The following TSHZ3 variants were observed in gnomAD, a reference collection of about 807,000 sequenced individuals.
The protein encoded by TSHZ3 is teashirt homolog 3.
Under a neutral mutation model 64.5 loss-of-function variants are expected in TSHZ3, and 10 were observed. The ratio of observed to expected loss-of-function variants is 0.16; its 90% CI spans 0.10 to 0.26. The LOEUF (loss-of-function observed/expected upper bound fraction) is 0.26. TSHZ3 is among the 10% of genes least tolerant of loss of function. The pLI, the probability that TSHZ3 is intolerant of heterozygous loss-of-function variation, is 1.00. For synonymous variants in TSHZ3, 608 were observed against 593.1 expected (o/e 1.03, Z -0.36); for missense variants, 1,242 against 1,421.7 (o/e 0.87, Z 2.03).
At position 31,155,202 on chromosome 19, in the gene TSHZ3, G is replaced by A. The variant is rs377695113; in HGVS notation, n.871+1154C>T. Among the ~76,000 whole-genome samples the A allele has an allele frequency of 1.6e-4, 24 of 152,270 alleles. No individual in the cohort carries two copies. The South Asian group carries it at 4.6e-3, about 29-fold the overall frequency. On this transcript the variant is annotated intron_variant and non_coding_transcript_variant, in intron 6 of 6. Transcript: ENST00000651361. ...ACATTGAATCTGGCCTCATCTAGAC[G>A]TGATCCCATGCTCTCCCTGGGACTA...
intron 4 of TSHZ3, among the ~76,000 whole-genome samples, chr19:31,220,452 A>G (rs1486873541): frequency 6.6e-6 from 1 of 152,122 alleles, no homozygotes; most frequent in Non-Finnish European, 1.5e-5. Flanking sequence ...TTGTCTCTCT[A>G]TATATGTATT....
At chr19:31,267,294 C>T (rs1158083133) in intron 1 of TSHZ3, among the ~76,000 whole-genome samples, 1 of 151,978 alleles carries the variant, frequency 6.6e-6, no homozygotes, top group Non-Finnish European at 1.5e-5. Context: ...TGTGCAGGGT[C>T]CAGGAGACTG....
intron 1 of TSHZ3, among the ~76,000 whole-genome samples, chr19:31,344,011 T>G (rs897152906): frequency 6.6e-6 from 1 of 152,194 alleles, no homozygotes; most frequent in Non-Finnish European, 1.5e-5. Context: ...TATGCATGTG[T>G]CAAAGAATTT....
intron 1 of TSHZ3, among the ~76,000 whole-genome samples, chr19:31,324,874 T>A (rs1156908455): frequency 6.6e-6 from 1 of 152,236 alleles, no homozygotes; most frequent in Non-Finnish European, 1.5e-5. Flanking sequence ...AGAAACCATT[T>A]TCATATGAGC....
At chr19:31,315,424 C>A (rs1014885413) in intron 1 of TSHZ3, among the ~76,000 whole-genome samples, 1 of 152,146 alleles carries the variant, frequency 6.6e-6, no homozygotes, top group Non-Finnish European at 1.5e-5. Flanking sequence ...ACTCAGGAAG[C>A]TCTACTCCTG....
At chr19:31,339,967 T>C (rs1917382685) in intron 1 of TSHZ3, among the ~76,000 whole-genome samples, 1 of 152,088 alleles carries the variant, frequency 6.6e-6, no homozygotes, top group African/African-American at 2.4e-5. Flanking sequence ...ATTTATTTAT[T>C]TTTTAATGGC....
intron 1 of TSHZ3, among the ~76,000 whole-genome samples, chr19:31,314,761 G>A (rs1916557574): frequency 6.6e-6 from 1 of 152,176 alleles, no homozygotes; most frequent in African/African-American, 2.4e-5. Context: ...GTCATTCTCA[G>A]ACCCCTTGAG....
rs1023393724 is a variant in TSHZ3, at chr19:31,342,480, T to C, written c.40+6700A>G. On this transcript the variant is annotated intron_variant, in intron 1 of 1. Transcript: ENST00000240587. ...GTTAATACATAAAGGAGAAAGCACATGGGTGAAAGACTTACAAGTCTTTAC... is the reference window on the plus strand; with the variant it reads ...GTTAATACATAAAGGAGAAAGCACACGGGTGAAAGACTTACAAGTCTTTAC... Among the ~76,000 whole-genome samples, 8 of 152,236 alleles carry C rather than the reference T, an allele frequency of 5.3e-5. No individual in the cohort carries two copies. The East Asian group carries it at 5.8e-4, about 11-fold the overall frequency.
At chr19:31,213,066 A>G (rs184056750) in intron 4 of TSHZ3, among the ~76,000 whole-genome samples, 1 of 152,152 alleles carries the variant, frequency 6.6e-6, no homozygotes, top group East Asian at 1.9e-4. Context: ...GGAGACAGTA[A>G]AAAGATTGAC....
In TSHZ3 at chr19:31,277,905, C is replaced by T; in HGVS notation, c.1888G>A (p.Glu630Lys). The T allele has an allele frequency of 6.2e-7, 1 of 1,613,916 alleles. No individual in the cohort carries two copies. The highest frequency in any genetic ancestry group is 1.1e-5 in the South Asian group (1 of 91,010). Reference sequence around the variant, plus strand: ...GGCGGGGAAAGCTTCCCATCCGGCTCCTTCATCTTCTCCTCCACTTTGGCA... The same window carrying T: ...GGCGGGGAAAGCTTCCCATCCGGCTTCTTCATCTTCTCCTCCACTTTGGCA... ...KVAKVEEKMK[E>K]PDGKLSPPKR... The change falls in exon 2 of 2, where the codon GAG becomes AAG. Residue 630 changes from glutamate to lysine, a missense_variant. Physicochemically the swap from Glu to Lys is moderately conservative, Grantham distance 56. This residue lies in a region of TSHZ3 where 550 missense variants were observed against 545.1 expected (regional missense o/e 1.01). Transcript: ENST00000240587. The surrounding 1 kb of genome is among the most constrained non-coding windows in gnomAD (Gnocchi z 4.5).
chr19:31,219,772 C>T (rs1409903078), intron 4 of TSHZ3, among the ~76,000 whole-genome samples: 1 of 148,982 alleles, frequency 6.7e-6, no homozygotes, highest in Non-Finnish European at 1.5e-5. Flanking sequence ...GAATAGAGTC[C>T]AGAAGTGAAT....
At chr19:31,334,876 C>T (rs1300459886) in intron 1 of TSHZ3, among the ~76,000 whole-genome samples, 11 of 152,248 alleles carry the variant, frequency 7.2e-5, no homozygotes, top group Admixed American at 5.2e-4. Context: ...GGCCAAAATG[C>T]ACACCCACAG....
In TSHZ3 at chr19:31,205,489, C is replaced by T. The variant is rs573278950; in HGVS notation, n.687-411G>A. Among the ~76,000 whole-genome samples, 4 of 152,334 alleles carry T rather than the reference C, an allele frequency of 2.6e-5. No homozygotes were observed. The East Asian group carries it at 7.7e-4, about 29-fold the overall frequency. ...TACTGGCCGTTTATGGCTCCTGAAA[C>T]TTGGGATGGGAGGACCCAGAGAGCT... On this transcript the variant is annotated intron_variant and non_coding_transcript_variant, in intron 4 of 6. Transcript: ENST00000651361.
chr19:31,291,138 A>T (rs571811153), intron 1 of TSHZ3, among the ~76,000 whole-genome samples: 6 of 152,318 alleles, frequency 3.9e-5, no homozygotes, highest in Admixed American at 1.3e-4. Flanking sequence ...CCTCTAGGGA[A>T]CCCATGGCAA....
intron 4 of TSHZ3, among the ~76,000 whole-genome samples, chr19:31,211,944 G>C (rs940271718): frequency 1.3e-5 from 2 of 152,152 alleles, no homozygotes; most frequent in Non-Finnish European, 2.9e-5. Context: ...AAGATATCCA[G>C]GGTAGATGCT....
chr19:31,338,948 A>C (rs1271712646), intron 1 of TSHZ3, among the ~76,000 whole-genome samples: 1 of 152,018 alleles, frequency 6.6e-6, no homozygotes, highest in Non-Finnish European at 1.5e-5. Flanking sequence ...ACACACACAC[A>C]GGCCCCTACC....
In TSHZ3 at chr19:31,279,368, G is replaced by A. The variant is rs745308178; in HGVS notation, c.425C>T (p.Ser142Phe). 14 of 1,614,064 alleles carry A rather than the reference G, an allele frequency of 8.7e-6. No homozygotes were observed. The Admixed American group carries it at 1.0e-4, about 12-fold the overall frequency. The change falls in exon 2 of 2, where the codon TCC becomes TTC. Residue 142 changes from serine to phenylalanine, a missense_variant. By Grantham distance (155) the Ser-to-Phe change is radical. This residue lies in a region of TSHZ3 where 555 missense variants were observed against 704.0 expected (regional missense o/e 0.79). Transcript: ENST00000240587. The surrounding 1 kb of genome is among the most constrained non-coding windows in gnomAD (Gnocchi z 6.4). Reference protein sequence around the residue: ...SNLNLNLHQPSSEKNNGSSSS... With the variant: ...SNLNLNLHQPFSEKNNGSSSS... Reference sequence around the variant, plus strand: ...GCTGCTGCCGTTGTTCTTCTCCGAGGAGGGCTGGTGCAGGTTGAGGTTGAG... The same window carrying A: ...GCTGCTGCCGTTGTTCTTCTCCGAGAAGGGCTGGTGCAGGTTGAGGTTGAG...
intron 1 of TSHZ3, among the ~76,000 whole-genome samples, chr19:31,292,149 T>G (rs954460285): frequency 6.6e-6 from 1 of 152,152 alleles, no homozygotes; most frequent in African/African-American, 2.4e-5. Flanking sequence ...CTGGCCTATA[T>G]TGGATCCAAT....
chr19:31,203,814 T>C (rs1003041373), intron 5 of TSHZ3, among the ~76,000 whole-genome samples: 1 of 151,892 alleles, frequency 6.6e-6, no homozygotes, highest in African/African-American at 2.4e-5. Context: ...TCCCTTCCTT[T>C]CTTTCTTCTC....
Sources: gnomAD v4.1 joint callset for allele counts (sites outside exome capture counted in the v4.1 genomes callset) on GRCh38, gnomAD v4.1.1 for gene constraint, gnomAD v4.1.1 regional missense constraint, Gnocchi (gnomAD v3.1) non-coding constraint, MANE v1.5 for transcripts, NCBI Gene and HGNC (gene_info 2026-07-23, HGNC 2026-07-21) for gene names.